The following FNDC3B variants were observed in gnomAD, a reference collection of about 807,000 sequenced individuals.
The protein encoded by FNDC3B is fibronectin type III domain containing 3B.
Under a neutral mutation model 151.5 loss-of-function variants are expected in FNDC3B, and 12 were observed. The observed-to-expected ratio is 0.08, with a 90% confidence interval of 0.05 to 0.13. The LOEUF (loss-of-function observed/expected upper bound fraction) is 0.13. FNDC3B is among the 10% of genes least tolerant of loss of function. FNDC3B has a pLI of 1.00. For synonymous variants in FNDC3B, 528 were observed against 549.0 expected, an observed-to-expected ratio of 0.96 and a Z score of 0.54; for missense variants, 1,214 against 1,505.3, an observed-to-expected ratio of 0.81 and a Z score of 3.20.
intron 25 of FNDC3B, among the ~76,000 whole-genome samples, chr3:172,385,474 C>CTAT (rs1560110375): frequency 6.6e-6 from 1 of 152,064 alleles, no homozygotes; most frequent in Non-Finnish European, 1.5e-5. Flanking sequence ...GTTATTTATA[C>CTAT]CTGCAGTGGT....
At chr3:172,310,291 T>G (rs965070614) in intron 10 of FNDC3B, among the ~76,000 whole-genome samples, 1 of 152,222 alleles carries the variant, frequency 6.6e-6, no homozygotes, top group Admixed American at 6.5e-5. Context: ...GAAGGATGAA[T>G]AGCCTCTAGT....
rs148264805 is a variant in FNDC3B at position 172,074,274 on chromosome 3, A to G, written c.-29+34503A>G. On this transcript the variant is annotated intron_variant, in intron 1 of 25. Transcript: ENST00000415807. Reference sequence around the variant, plus strand: ...TGTGGTTCCACAATTCCGCTAGGCTAGTATTCAGACCTAATTCTCTGCTTA... The same window carrying G: ...TGTGGTTCCACAATTCCGCTAGGCTGGTATTCAGACCTAATTCTCTGCTTA... Among the ~76,000 whole-genome samples, 45 of 152,330 alleles carry G rather than the reference A, an allele frequency of 3.0e-4. No individual in the cohort carries two copies. In the East Asian group the frequency reaches 8.3e-3, roughly 28 times the overall value.
At chr3:172,230,517 G>GAAC (rs1206623548) in intron 4 of FNDC3B, among the ~76,000 whole-genome samples, 1 of 147,382 alleles carries the variant, frequency 6.8e-6, no homozygotes, top group Non-Finnish European at 1.5e-5. Context: ...AAAAAAAAAA[G>GAAC]AACAACAACA....
chr3:172,088,955 C>G (rs1261531546), intron 1 of FNDC3B, among the ~76,000 whole-genome samples: 1 of 152,004 alleles, frequency 6.6e-6, no homozygotes, highest in Non-Finnish European at 1.5e-5. Flanking sequence ...CAGACAATAG[C>G]CAAATAATAT....
At chr3:172,125,750 A>G (rs994528877) in intron 2 of FNDC3B, among the ~76,000 whole-genome samples, 7 of 152,236 alleles carry the variant, frequency 4.6e-5, no homozygotes, top group Non-Finnish European at 7.3e-5. Context: ...ACTTCGCGTC[A>G]CAGGTATTTC....
intron 3 of FNDC3B, among the ~76,000 whole-genome samples, chr3:172,159,912 G>A (rs563855359): frequency 7.2e-5 from 11 of 152,300 alleles, no homozygotes; most frequent in Middle Eastern, 3.4e-3. Context: ...TTAGAGAGGT[G>A]GTAGAGGTCA....
chr3:172,288,513 T>C (rs1477353684), intron 7 of FNDC3B, among the ~76,000 whole-genome samples: 3 of 152,262 alleles, frequency 2.0e-5, no homozygotes, highest in Non-Finnish European at 2.9e-5. Context: ...GTAGTCAGTA[T>C]AGCTGAAGAG....
intron 1 of FNDC3B, among the ~76,000 whole-genome samples, chr3:172,042,679 C>T (rs1440778217): frequency 6.6e-6 from 1 of 152,138 alleles, no homozygotes; most frequent in East Asian, 1.9e-4. Context: ...GAGTAACTTG[C>T]ATAAGATCAC....
rs1427058339 is a variant in FNDC3B, at chr3:172,399,755, C to T, written c.*2280C>T. 1 of 152,594 alleles carries T rather than the reference C, an allele frequency of 6.6e-6. No homozygotes were observed. Among genetic ancestry groups the T allele is most frequent in the African/African-American group, 2.4e-5 (1 of 41,440 alleles). 9.5% of individuals were successfully genotyped at this position (152,594 alleles called of 1,614,324 possible). A position where few individuals can be genotyped will look rare whatever the true frequency, so the allele number is the denominator to read the frequency against. On this transcript the variant is annotated 3_prime_UTR_variant, in exon 26 of 26. Transcript: ENST00000415807. ...AATGAAAATTCAACTGAGTACAAAG[C>T]CCCCTCTTGGGGGGTTGGGGAAGTC...
intron 3 of FNDC3B, among the ~76,000 whole-genome samples, chr3:172,159,882 G>T (rs1722680313): frequency 6.6e-6 from 1 of 152,198 alleles, no homozygotes; most frequent in East Asian, 1.9e-4. Context: ...AGATAACATA[G>T]ATAGTACACC....
intron 4 of FNDC3B, among the ~76,000 whole-genome samples, chr3:172,243,880 G>A (rs999983356): frequency 6.6e-6 from 1 of 152,182 alleles, no homozygotes; most frequent in African/African-American, 2.4e-5. Flanking sequence ...GGACACATAA[G>A]TCAGCCCATG....
intron 3 of FNDC3B, among the ~76,000 whole-genome samples, chr3:172,141,546 A>G (rs1387010401): frequency 6.6e-6 from 1 of 152,216 alleles, no homozygotes. Context: ...ATTGAATTCC[A>G]TACTTCTGGC....
chr3:172,291,807 T>C (rs1730357509), intron 7 of FNDC3B, among the ~76,000 whole-genome samples: 1 of 152,210 alleles, frequency 6.6e-6, no homozygotes, highest in Non-Finnish European at 1.5e-5. Context: ...ATGATCAGAT[T>C]AGCCGTGCCC....
chr3:172,114,912 A>G (rs1720169828), intron 2 of FNDC3B, among the ~76,000 whole-genome samples: 1 of 152,230 alleles, frequency 6.6e-6, no homozygotes, highest in South Asian at 2.1e-4. Flanking sequence ...TGTCTTTTTA[A>G]TTAGTAAATA....
At chr3:172,243,764 C>A (rs1266874162) in intron 4 of FNDC3B, among the ~76,000 whole-genome samples, 1 of 152,156 alleles carries the variant, frequency 6.6e-6, no homozygotes, top group East Asian at 1.9e-4. Flanking sequence ...TAGAGTCTAC[C>A]TATATGACCT....
chr3:172,275,494 C>CAT (rs1729390414), intron 6 of FNDC3B, among the ~76,000 whole-genome samples: 1 of 152,184 alleles, frequency 6.6e-6, no homozygotes, highest in African/African-American at 2.4e-5. Context: ...AGCAATAGTG[C>CAT]ATAGCTTTGG....
chr3:172,177,419 T>C (rs551330847), intron 3 of FNDC3B, among the ~76,000 whole-genome samples: 27 of 152,322 alleles, frequency 1.8e-4, no homozygotes, highest in African/African-American at 6.3e-4. Flanking sequence ...TGTAAAACTT[T>C]GCTTTTTGAT....
intron 3 of FNDC3B, among the ~76,000 whole-genome samples, chr3:172,157,498 G>T (rs910060967): frequency 6.6e-6 from 1 of 152,106 alleles, no homozygotes; most frequent in Non-Finnish European, 1.5e-5. Context: ...ATTAAAATAT[G>T]GAGTGGTTCT....
chr3:172,055,724 G>C (rs939056117), intron 1 of FNDC3B, among the ~76,000 whole-genome samples: 1 of 152,016 alleles, frequency 6.6e-6, no homozygotes, highest in Non-Finnish European at 1.5e-5. Context: ...GAGAACAGGC[G>C]ATGGCTAGGG....
Sources: allele counts gnomAD v4.1 joint callset (sites outside exome capture counted in the v4.1 genomes callset), GRCh38; gene constraint gnomAD v4.1.1; transcripts MANE v1.5; gene names NCBI Gene and HGNC (gene_info 2026-07-23, HGNC 2026-07-21).